Variants in SPIDR observed in about 807,000 individuals in gnomAD.
SPIDR encodes DNA repair-scaffolding protein.
Under a neutral mutation model 104.6 loss-of-function variants are expected in SPIDR, and 93 were observed. The ratio of observed to expected loss-of-function variants is 0.89; its 90% CI spans 0.75 to 1.06. The LOEUF (loss-of-function observed/expected upper bound fraction) is 1.06. Ranked by LOEUF, SPIDR falls within the 50% of genes least tolerant of loss-of-function variation. The pLI, the probability that SPIDR is intolerant of heterozygous loss-of-function variation, is 0.00. For missense variants in SPIDR, 1,154 were observed against 1,111.2 expected (o/e 1.04, Z -0.55); for synonymous variants, 431 against 416.9 (o/e 1.03, Z -0.41).
At chr8:47,523,023 G>A (rs948891332) in intron 8 of SPIDR, among the ~76,000 whole-genome samples, 2 of 150,758 alleles carry the variant, frequency 1.3e-5, no homozygotes, top group African/African-American at 4.9e-5. Flanking sequence ...TTTTTTGAGC[G>A]AGGGTCTCAC....
intron 4 of SPIDR, among the ~76,000 whole-genome samples, chr8:47,292,005 C>T (rs1224610343): frequency 6.6e-6 from 1 of 152,144 alleles, no homozygotes; most frequent in Non-Finnish European, 1.5e-5. Flanking sequence ...CCTTTACCTG[C>T]CGGGTCACAG....
intron 8 of SPIDR, among the ~76,000 whole-genome samples, chr8:47,551,580 G>C (rs1238580535): frequency 6.6e-6 from 1 of 152,152 alleles, no homozygotes; most frequent in Admixed American, 6.5e-5. Flanking sequence ...AGTATTCTCT[G>C]ATGATAGTTT....
intron 8 of SPIDR, among the ~76,000 whole-genome samples, chr8:47,441,363 T>G (rs1333517522): frequency 2.6e-5 from 4 of 152,212 alleles, no homozygotes; most frequent in African/African-American, 9.6e-5. Flanking sequence ...TTTTAATTCA[T>G]ATTTCTCTTA....
chr8:47,353,331 T>G (rs536807107), intron 5 of SPIDR, among the ~76,000 whole-genome samples: 18 of 152,328 alleles, frequency 1.2e-4, no homozygotes, highest in Admixed American at 2.0e-4. Context: ...TCACCGCCTC[T>G]TACCTGCTCC....
intron 16 of SPIDR, among the ~76,000 whole-genome samples, chr8:47,715,158 TG>T (rs899696418): frequency 6.6e-6 from 1 of 151,766 alleles, no homozygotes; most frequent in African/African-American, 2.4e-5. Flanking sequence ...TTCTGCTTTT[TG>T]GGGGGGTTTT....
At chr8:47,596,355 C>T (rs867370494) in intron 9 of SPIDR, among the ~76,000 whole-genome samples, 1 of 152,300 alleles carries the variant, frequency 6.6e-6, no homozygotes, top group Middle Eastern at 3.4e-3. Context: ...CTTACACAAA[C>T]CTAGATGGTC....
At chr8:47,523,958 A>C (rs962564853) in intron 8 of SPIDR, among the ~76,000 whole-genome samples, 1 of 152,102 alleles carries the variant, frequency 6.6e-6, no homozygotes, top group African/African-American at 2.4e-5. Context: ...CCTATGAAAA[A>C]ACACAATGAC....
intron 6 of SPIDR, among the ~76,000 whole-genome samples, chr8:47,407,575 A>C (rs1407630534): frequency 6.6e-6 from 1 of 152,240 alleles, no homozygotes; most frequent in Admixed American, 6.5e-5. Context: ...AAAGAATAGA[A>C]AAATAGGTAA....
chr8:47,711,011 G>A (rs866986419), intron 14 of SPIDR, among the ~76,000 whole-genome samples: 14 of 151,896 alleles, frequency 9.2e-5, no homozygotes, highest in African/African-American at 3.4e-4. Context: ...TAATCCTCCC[G>A]CCTCAGCCTC....
intron 6 of SPIDR, among the ~76,000 whole-genome samples, chr8:47,398,660 C>T (rs1418665238): frequency 6.6e-6 from 1 of 152,156 alleles, no homozygotes; most frequent in African/African-American, 2.4e-5. Flanking sequence ...TATGGGTCTG[C>T]AGTCCACGGG....
At chr8:47,433,135 C>CT (rs1400836438) in intron 7 of SPIDR, among the ~76,000 whole-genome samples, 2 of 152,180 alleles carry the variant, frequency 1.3e-5, no homozygotes, top group African/African-American at 2.4e-5. Flanking sequence ...TTCTTGTACT[C>CT]TGTCTCATAT....
At chr8:47,301,464 T>C (rs973332024) in intron 5 of SPIDR, among the ~76,000 whole-genome samples, 4 of 152,348 alleles carry the variant, frequency 2.6e-5, no homozygotes, top group South Asian at 4.1e-4. Context: ...ACTACTGTTA[T>C]GTGTGAATTT....
chr8:47,629,049 C>T (rs2066647442), intron 10 of SPIDR, among the ~76,000 whole-genome samples: 1 of 152,194 alleles, frequency 6.6e-6, no homozygotes, highest in Admixed American at 6.5e-5. Context: ...CTTTAAGGGT[C>T]ACAGCAGCTG....
chr8:47,727,357 C>T, intron 17 of SPIDR, 64 bp downstream of exon 17: 1 of 1,485,674 alleles, frequency 6.7e-7, no homozygotes, highest in South Asian at 1.2e-5. Context: ...AACCCAGCCC[C>T]AGAACCTGGG....
chr8:47,427,624 C>G (rs187337320), intron 7 of SPIDR, among the ~76,000 whole-genome samples: 1 of 152,156 alleles, frequency 6.6e-6, no homozygotes, highest in Admixed American at 6.5e-5. Context: ...CCTGTGTGAA[C>G]CTTAGGTGAG....
At chr8:47,297,828 G>C (rs2041177857) in intron 5 of SPIDR, among the ~76,000 whole-genome samples, 1 of 152,142 alleles carries the variant, frequency 6.6e-6, no homozygotes, top group African/African-American at 2.4e-5. Context: ...TGGTGAATAT[G>C]TGCCACATTT....
intron 7 of SPIDR, among the ~76,000 whole-genome samples, chr8:47,418,241 C>A (rs1337788307): frequency 1.3e-5 from 2 of 152,144 alleles, no homozygotes; most frequent in Admixed American, 6.5e-5. Context: ...AATATTGATT[C>A]TTCCTATCCA....
At chr8:47,625,791 TCA>T (rs1261512641) in intron 10 of SPIDR, among the ~76,000 whole-genome samples, 11 of 152,016 alleles carry the variant, frequency 7.2e-5, no homozygotes, top group Non-Finnish European at 1.5e-4. Flanking sequence ...AGAATCAATA[TCA>T]TGAAAATGGC....
intron 8 of SPIDR, among the ~76,000 whole-genome samples, chr8:47,454,584 T>C (rs1376739804): frequency 6.6e-6 from 1 of 151,954 alleles, no homozygotes; most frequent in Non-Finnish European, 1.5e-5. Context: ...TGTGTACATA[T>C]GTAACAAACC....
Sources: gnomAD v4.1 joint callset for allele counts (sites outside exome capture counted in the v4.1 genomes callset) on GRCh38, gnomAD v4.1.1 for gene constraint, MANE v1.5 for transcripts, NCBI Gene and HGNC (gene_info 2026-07-23, HGNC 2026-07-21) for gene names.